Variants in CLTCL1 observed in about 807,000 individuals in gnomAD.
CLTCL1 encodes clathrin heavy chain like 1.
A neutral mutation model predicts 190.0 loss-of-function variants in CLTCL1; 159 were observed. The ratio of observed to expected loss-of-function variants is 0.84; its 90% CI spans 0.74 to 0.95. The LOEUF (loss-of-function observed/expected upper bound fraction) is 0.95. CLTCL1 is among the 40% of genes least tolerant of loss of function. CLTCL1 has a pLI of 0.00. For synonymous variants in CLTCL1, 752 were observed against 769.6 expected (o/e 0.98, Z 0.38); for missense variants, 1,878 against 2,033.4 (o/e 0.92, Z 1.47).
At position 19,221,574 on chromosome 22, in the gene CLTCL1, G is replaced by C. The variant is rs782109193; in HGVS notation, c.2599C>G (p.Gln867Glu). The C allele has an allele frequency of 5.7e-5, 91 of 1,599,064 alleles. 1 individual carries two copies. Among genetic ancestry groups the C allele is most frequent in the Middle Eastern group, 3.3e-4 (2 of 6,064 alleles). Reference protein sequence around the residue: ...LLLPWLESQIQEGCEEPATHN... With the variant: ...LLLPWLESQIEEGCEEPATHN... The stretch of plus-strand genomic sequence containing the variant: ...GTGGCAGGCTCCTCACAGCCTTCCT[G>C]AATCTGGGACTCCAGCCAGGGAAGC... The change falls in exon 17 of 33, where the codon CAG becomes GAG. Residue 867 changes from glutamine (Q) to glutamate (E), a missense_variant. Transcript: ENST00000427926.
rs201496262 is a variant in CLTCL1, at chr22:19,187,590, C to A, written c.4573G>T (p.Val1525Leu). ...YKGNNWWAQS[V>L]ELCKKDHLYK... ...AGATGATCCTTCTTGCAGAGCTCCA[C>A]GCTCTGGGCCCACCAGTTATTGCCC... The change falls in exon 29 of 33, where the codon GTG becomes TTG. Residue 1525 changes from valine to leucine, a missense_variant. Val to Leu is a conservative substitution (Grantham distance 32). Transcript: ENST00000427926. 2 of 1,612,916 alleles carry A rather than the reference C, an allele frequency of 1.2e-6. No homozygotes were observed. The highest frequency in any genetic ancestry group is 1.7e-6 in the Non-Finnish European group (2 of 1,179,848).
chr22:19,272,361 G>T (rs1366762437), intron 2 of CLTCL1, among the ~76,000 whole-genome samples: 7 of 152,220 alleles, frequency 4.6e-5, no homozygotes, highest in African/African-American at 1.7e-4. Context: ...AGAAAGCCGG[G>T]CAATGACGTG....
chr22:19,207,358 C>T (rs9604934), intron 22 of CLTCL1, among the ~76,000 whole-genome samples: 57,289 of 152,046 alleles, frequency 0.38, 11,660 homozygotes, highest in South Asian at 0.54. Flanking sequence ...AGATTATTAA[C>T]TCTGACTCAA....
chr22:19,263,337 T>C (rs1300072529), intron 2 of CLTCL1, among the ~76,000 whole-genome samples: 1 of 151,826 alleles, frequency 6.6e-6, no homozygotes, highest in Non-Finnish European at 1.5e-5. Context: ...GCTCAAGCGA[T>C]CTTCCCACCT....
At position 19,242,631 on chromosome 22, in the gene CLTCL1, G is replaced by A. The variant is rs1379639400; in HGVS notation, c.681+144C>T. 7.8e-6 allele frequency: 7 copies of A among 898,358 alleles called. No individual in the cohort carries two copies. In the Admixed American group the frequency reaches 1.6e-4, roughly 20 times the overall value. The allele number at this position is 898,358 out of a possible 1,614,324, so 55.6% of individuals were successfully genotyped here. Reference sequence around the variant, plus strand: ...GGGGAATGGGGCCACTTAATCATGTGCATCACGGTGCACAGTTCTCAACAC... The same window carrying A: ...GGGGAATGGGGCCACTTAATCATGTACATCACGGTGCACAGTTCTCAACAC... On this transcript the variant is annotated intron_variant, in intron 4 of 32. Coordinates refer to ENST00000427926, the MANE Select transcript of CLTCL1 (RefSeq NM_007098.4).
chr22:19,235,196 C>T (rs774908170), intron 6 of CLTCL1, among the ~76,000 whole-genome samples: 3 of 151,114 alleles, frequency 2.0e-5, no homozygotes, highest in Non-Finnish European at 4.4e-5. Flanking sequence ...CTGAGACAGG[C>T]TCTCACTGTT....
At chr22:19,211,647 G>A (rs907473091) in intron 19 of CLTCL1, among the ~76,000 whole-genome samples, 1 of 151,724 alleles carries the variant, frequency 6.6e-6, no homozygotes, top group Non-Finnish European at 1.5e-5. Flanking sequence ...GGCGCCTGTA[G>A]TCCCAGCTAC....
chr22:19,206,375 T>C (rs942205266), intron 22 of CLTCL1, among the ~76,000 whole-genome samples: 1 of 152,114 alleles, frequency 6.6e-6, no homozygotes, highest in Non-Finnish European at 1.5e-5. Flanking sequence ...TCCAAGTAGC[T>C]GTGATTACAA....
chr22:19,194,151 A>G (rs1393154912), intron 26 of CLTCL1, among the ~76,000 whole-genome samples: 1 of 152,094 alleles, frequency 6.6e-6, no homozygotes, highest in Non-Finnish European at 1.5e-5. Context: ...ACAATCCTTT[A>G]GCTAGATGCA....
At chr22:19,278,501 A>G (rs532152737) in intron 1 of CLTCL1, among the ~76,000 whole-genome samples, 27 of 152,330 alleles carry the variant, frequency 1.8e-4, no homozygotes, top group African/African-American at 6.5e-4. Context: ...TAAAGTTAAC[A>G]TATTTAAGTA....
At chr22:19,248,567 A>G (rs1281893560) in intron 3 of CLTCL1, among the ~76,000 whole-genome samples, 5 of 151,770 alleles carry the variant, frequency 3.3e-5, no homozygotes, top group Admixed American at 6.6e-5. Flanking sequence ...TATCTCCCAG[A>G]CTCCACCTCC....
chr22:19,243,084 T>C (rs1474631789), intron 3 of CLTCL1, 148 bp from the exon 4 acceptor site: 1 of 736,644 alleles, frequency 1.4e-6, no homozygotes, highest in African/African-American at 1.8e-5. Context: ...ATTAAAGGCA[T>C]GATATCACTC....
intron 1 of CLTCL1, among the ~76,000 whole-genome samples, chr22:19,276,681 A>T (rs1275813618): frequency 1.3e-5 from 2 of 151,932 alleles, no homozygotes; most frequent in African/African-American, 2.4e-5. Flanking sequence ...TTATTTATTT[A>T]TTTTTTGAGC....
intron 22 of CLTCL1, among the ~76,000 whole-genome samples, chr22:19,203,343 A>C (rs897368539): frequency 1.4e-4 from 22 of 152,006 alleles, no homozygotes; most frequent in African/African-American, 5.3e-4. Flanking sequence ...AACTAATCCA[A>C]CTTGCTCTGC....
intron 2 of CLTCL1, among the ~76,000 whole-genome samples, chr22:19,255,282 G>T (rs1015995367): frequency 6.6e-6 from 1 of 152,192 alleles, no homozygotes; most frequent in African/African-American, 2.4e-5. Context: ...TTTCAATTGG[G>T]CTGGGCACAG....
rs1206226404 is a variant in CLTCL1 at position 19,233,157 on chromosome 22, A to G, written c.1521+9T>C. The G allele has an allele frequency of 6.2e-7, 1 of 1,607,144 alleles. No individual in the cohort carries two copies. The highest frequency in any genetic ancestry group is 1.3e-5 in the African/African-American group (1 of 74,828). The stretch of plus-strand genomic sequence containing the variant: ...ATCTGTGAGATGCCAGTGGTTCAAC[A>G]CACGTTACCTTTTTGGCATAGAGCA... On this transcript the variant is annotated intron_variant, in intron 9 of 32. Transcript: ENST00000427926.
At chr22:19,238,486 TCAATAAGGAAAGCA>T (rs1461432776) in intron 5 of CLTCL1, 72 of 204,358 alleles carry the variant, frequency 3.5e-4, no homozygotes, top group African/African-American at 1.6e-3. Flanking sequence ...ATTCTGCTCC[TCAATAAGGAAAGCA>T]CACTTGATCC....
chr22:19,268,646 C>T (rs180929103), intron 2 of CLTCL1, among the ~76,000 whole-genome samples: 1 of 152,044 alleles, frequency 6.6e-6, no homozygotes, highest in African/African-American at 2.4e-5. Context: ...ATTAAAACTG[C>T]AAAATGCTAG....
chr22:19,264,858 G>A (rs185425582), intron 2 of CLTCL1, among the ~76,000 whole-genome samples: 279 of 152,054 alleles, frequency 1.8e-3, no homozygotes, highest in Non-Finnish European at 3.2e-3. Flanking sequence ...GGTCGATCTA[G>A]GTTCATTGCA....
Sources: gnomAD v4.1 joint callset for allele counts (sites outside exome capture counted in the v4.1 genomes callset) on GRCh38, gnomAD v4.1.1 for gene constraint, MANE v1.5 for transcripts, NCBI Gene and HGNC (gene_info 2026-07-23, HGNC 2026-07-21) for gene names.